FUT8: variants seen among roughly 807,000 people sequenced by gnomAD.
The protein encoded by FUT8 is fucosyltransferase 8.
Under a neutral mutation model 71.3 loss-of-function variants are expected in FUT8, and 29 were observed. That is an observed-to-expected ratio of 0.41 (90% confidence interval 0.30 to 0.55). The LOEUF (loss-of-function observed/expected upper bound fraction) is 0.55, where lower values mean the gene tolerates loss of function less well. Among genes scored for constraint, FUT8 ranks in the 20% least tolerant of loss-of-function variants. The probability of loss-of-function intolerance (pLI) is 0.34; values close to 1 mark genes in which losing one functional copy is unlikely to be tolerated. For synonymous variants in FUT8, 254 were observed against 239.3 expected (o/e 1.06, Z -0.57); for missense variants, 544 against 702.1 (o/e 0.77, Z 2.55).
At chr14:65,621,775 G>A (rs939742361) in intron 5 of FUT8, among the ~76,000 whole-genome samples, 1 of 152,062 alleles carries the variant, frequency 6.6e-6, no homozygotes, top group African/African-American at 2.4e-5. Context: ...TGGCCAGGCT[G>A]GTCTTGAACT....
intron 7 of FUT8, among the ~76,000 whole-genome samples, chr14:65,699,979 T>G (rs1476663756): frequency 6.6e-6 from 1 of 152,166 alleles, no homozygotes; most frequent in Admixed American, 6.5e-5. Flanking sequence ...TTCTTATACT[T>G]TTCTGGTTTT....
chr14:65,608,325 T>C (rs1888694849), intron 3 of FUT8, among the ~76,000 whole-genome samples: 1 of 151,952 alleles, frequency 6.6e-6, no homozygotes, highest in African/African-American at 2.4e-5. Context: ...TTAAGATCTT[T>C]ATTCTTTCCA....
the FUT8 span, among the ~76,000 whole-genome samples, chr14:65,364,879 G>A: frequency 6.6e-6 from 1 of 151,952 alleles, no homozygotes; most frequent in Non-Finnish European, 1.5e-5. Flanking sequence ...TCATTCCTGG[G>A]CCACACTGGA....
Position 65,718,837 on chromosome 14 carries a change from A to G in FUT8, c.836-2938A>G, listed in dbSNP as rs1344271056. ...CACTGAAAAGTCTGCTGTCAGACAT[A>G]TTGGAGCTCCATGGTATGTTATTTA... On this transcript the variant is annotated intron_variant, in intron 7 of 10. Transcript: ENST00000673929. 7.2e-5 allele frequency among the ~76,000 whole-genome samples: 11 copies of G among 152,256 alleles called. No homozygotes were observed. In the East Asian group the frequency reaches 1.9e-3, roughly 27 times the overall value.
chr14:65,362,256 C>T, the FUT8 span, among the ~76,000 whole-genome samples: 1 of 152,224 alleles, frequency 6.6e-6, no homozygotes, highest in African/African-American at 2.4e-5. Context: ...ATTGTTCCCT[C>T]TACTCTTTCC....
rs143977819 is a variant in FUT8 at position 65,524,499 on chromosome 14, T to G, written c.-227-36838T>G. ...CTGAGACAATGGGGTTTTCTAAATA[T>G]ACAATCATGTCATCTGCAAACAGGG... On this transcript the variant is annotated intron_variant, in intron 2 of 10. Transcript: ENST00000673929. Among the ~76,000 whole-genome samples, 877 of 152,322 alleles carry G rather than the reference T, an allele frequency of 5.8e-3. 32 individuals carry two copies. In the East Asian group the frequency reaches 0.092, roughly 16 times the overall value.
rs1350127433 is a variant in FUT8 at position 65,611,193 on chromosome 14, ACACACGCGCGCGCGCGCG to A, written c.204-4783_204-4766del. Among the ~76,000 whole-genome samples, 10 of 3,424 alleles carry A rather than the reference ACACACGCGCGCGCGCGCG, an allele frequency of 2.9e-3. 1 individual carries two copies. The highest frequency in any genetic ancestry group is 8.8e-3 in the Admixed American group (2 of 226). 2.2% of individuals were successfully genotyped at this position (3,424 alleles called of 152,430 possible). On this transcript the variant is annotated intron_variant, in intron 3 of 10. Transcript: ENST00000673929. Reference sequence around the variant, plus strand: ...TACATTTTAAGTGTCATACACACACACACACGCGCGCGCGCGCGCGCGCGCGCGCGCACACACACACAC... The same window carrying A: ...TACATTTTAAGTGTCATACACACACACGCGCGCGCGCGCACACACACACAC...
intron 6 of FUT8, among the ~76,000 whole-genome samples, chr14:65,655,168 A>G (rs1891609472): frequency 6.6e-6 from 1 of 151,840 alleles, no homozygotes; most frequent in Non-Finnish European, 1.5e-5. Context: ...GCAAACAATA[A>G]TCAAAAGAAA....
chr14:65,629,598 T>C lies in FUT8; in HGVS notation c.589T>C (p.Tyr197His), dbSNP rs772527574. ...AGAACTGGTTCAGCGGAGAATAACA[T>C]ATCTTCAGGTAAGAAGGTTGGGTTA... ...LTELVQRRIT[Y>H]LQNPKDCSKA... Residue 197 changes from tyrosine (Y) to histidine (H), a missense_variant, in exon 6 of 11, where the codon TAT becomes CAT. Physicochemically the swap from Tyr to His is moderately conservative, Grantham distance 83. Transcript: ENST00000673929. 7 of 1,607,336 alleles carry C rather than the reference T, an allele frequency of 4.4e-6. No homozygotes were observed. In the Admixed American group the frequency reaches 8.3e-5, roughly 19 times the overall value.
At chr14:65,664,274 T>C (rs936539893) in intron 6 of FUT8, among the ~76,000 whole-genome samples, 1 of 152,142 alleles carries the variant, frequency 6.6e-6, no homozygotes, top group Non-Finnish European at 1.5e-5. Flanking sequence ...ATTCCCAGGA[T>C]CCTTATATAA....
intron 2 of FUT8, among the ~76,000 whole-genome samples, chr14:65,493,961 T>C (rs2139735105): frequency 6.6e-6 from 1 of 152,264 alleles, no homozygotes; most frequent in African/African-American, 2.4e-5. Context: ...GATGAGTGAA[T>C]GTAATATGCT....
chr14:65,545,646 G>A (rs933518472), intron 2 of FUT8, among the ~76,000 whole-genome samples: 1 of 151,644 alleles, frequency 6.6e-6, no homozygotes, highest in Non-Finnish European at 1.5e-5. Flanking sequence ...ACTCTTTTCA[G>A]TTGTTAAAAA....
intron 2 of FUT8, among the ~76,000 whole-genome samples, chr14:65,470,167 T>C (rs1242318192): frequency 6.6e-6 from 1 of 152,226 alleles, no homozygotes; most frequent in Non-Finnish European, 1.5e-5. Flanking sequence ...TGTGATGATA[T>C]CCAGGCTTGG....
intron 2 of FUT8, among the ~76,000 whole-genome samples, chr14:65,464,654 CATTA>C (rs920515188): frequency 5.9e-5 from 9 of 151,792 alleles, no homozygotes; most frequent in African/African-American, 2.2e-4. Context: ...TCCTGGATTA[CATTA>C]ATTGACTTTT....
At chr14:65,663,553 T>C (rs1892071173) in intron 6 of FUT8, among the ~76,000 whole-genome samples, 2 of 152,146 alleles carry the variant, frequency 1.3e-5, no homozygotes, top group South Asian at 4.1e-4. Flanking sequence ...TCTGAGCTTT[T>C]TCAGTGTTTA....
intron 1 of FUT8, among the ~76,000 whole-genome samples, chr14:65,450,790 G>A (rs2065810004): frequency 6.6e-6 from 1 of 151,842 alleles, no homozygotes; most frequent in Non-Finnish European, 1.5e-5. Context: ...ACGTAATGAA[G>A]CAGGATATTT....
At chr14:65,571,331 G>C (rs1249019587) in intron 3 of FUT8, among the ~76,000 whole-genome samples, 1 of 152,114 alleles carries the variant, frequency 6.6e-6, no homozygotes, top group East Asian at 1.9e-4. Context: ...GCCCAGGTGA[G>C]AGAGAAATAT....
At chr14:65,648,422 A>C (rs1891214100) in intron 6 of FUT8, among the ~76,000 whole-genome samples, 1 of 152,164 alleles carries the variant, frequency 6.6e-6, no homozygotes, top group African/African-American at 2.4e-5. Flanking sequence ...TCCCACCTCC[A>C]AACAGTTATT....
intron 1 of FUT8, among the ~76,000 whole-genome samples, chr14:65,454,206 G>A (rs1247320409): frequency 6.6e-6 from 1 of 152,204 alleles, no homozygotes; most frequent in East Asian, 1.9e-4. Context: ...GAAGTTACAG[G>A]AAAGAATTAC....
Sources: allele counts gnomAD v4.1 joint callset (sites outside exome capture counted in the v4.1 genomes callset), GRCh38; gene constraint gnomAD v4.1.1; transcripts MANE v1.5; gene names NCBI Gene and HGNC (gene_info 2026-07-23, HGNC 2026-07-21).